NEGR1: variants seen among roughly 807,000 people sequenced by gnomAD.
NEGR1 encodes the protein IgLON family member 4.
Under a neutral mutation model 40.9 loss-of-function variants are expected in NEGR1, and 10 were observed. The observed-to-expected ratio is 0.24, with a 90% CI of 0.15 to 0.42. NEGR1 has a LOEUF of 0.42. Among genes scored for constraint, NEGR1 ranks in the 10% least tolerant of loss-of-function variants. The probability of loss-of-function intolerance (pLI) is 1.00; values close to 1 mark genes in which losing one functional copy is unlikely to be tolerated. For synonymous variants in NEGR1, 185 were observed against 166.8 expected (o/e 1.11, Z -0.84); for missense variants, 352 against 438.9 (o/e 0.80, Z 1.77).
chr1:71,416,219 T>C (rs1044275657), intron 6 of NEGR1, among the ~76,000 whole-genome samples: 7 of 152,210 alleles, frequency 4.6e-5, no homozygotes, highest in African/African-American at 1.4e-4. Context: ...TATGATCTTA[T>C]ACATGTGGGT....
intron 1 of NEGR1, among the ~76,000 whole-genome samples, chr1:71,946,897 A>G (rs1056053212): frequency 1.3e-5 from 2 of 151,838 alleles, no homozygotes; most frequent in African/African-American, 2.4e-5. Context: ...GGGCAACATA[A>G]CAAAACCCCA....
chr1:71,490,166 C>T (rs1557543909), intron 6 of NEGR1, among the ~76,000 whole-genome samples: 1 of 151,914 alleles, frequency 6.6e-6, no homozygotes, highest in Non-Finnish European at 1.5e-5. Context: ...ATTATTTTTA[C>T]ATTCTTTTGC....
chr1:71,506,950 T>A (rs1647038756), intron 6 of NEGR1, among the ~76,000 whole-genome samples: 1 of 152,184 alleles, frequency 6.6e-6, no homozygotes, highest in African/African-American at 2.4e-5. Flanking sequence ...TAAAGCTCCT[T>A]GAAGGTCAAG....
chr1:71,747,545 C>G (rs1388166778), intron 3 of NEGR1, among the ~76,000 whole-genome samples: 1 of 151,998 alleles, frequency 6.6e-6, no homozygotes, highest in Non-Finnish European at 1.5e-5. Context: ...CTGCCTCAGC[C>G]TCTCAAGTAG....
chr1:71,791,518 G>A (rs940309876), intron 2 of NEGR1, among the ~76,000 whole-genome samples: 1 of 151,984 alleles, frequency 6.6e-6, no homozygotes, highest in African/African-American at 2.4e-5. Context: ...TCAGTAGCCT[G>A]CCTACCAACT....
intron 5 of NEGR1, among the ~76,000 whole-genome samples, chr1:71,594,900 TG>T (rs1649645520): frequency 6.6e-6 from 1 of 152,218 alleles, no homozygotes; most frequent in Non-Finnish European, 1.5e-5. Context: ...AAATCCCTGT[TG>T]TGCTCCATCG....
At chr1:71,446,720 G>T (rs1027950517) in intron 6 of NEGR1, among the ~76,000 whole-genome samples, 1 of 152,126 alleles carries the variant, frequency 6.6e-6, no homozygotes, top group Admixed American at 6.5e-5. Context: ...CATTGGAAAA[G>T]TGCATAAATT....
intron 1 of NEGR1, among the ~76,000 whole-genome samples, chr1:72,163,272 T>C (rs761682231): frequency 6.6e-6 from 1 of 152,130 alleles, no homozygotes; most frequent in Non-Finnish European, 1.5e-5. Flanking sequence ...TAGTAAGTGA[T>C]AAAATACAAA....
At chr1:72,173,463 C>T (rs1417155633) in intron 1 of NEGR1, among the ~76,000 whole-genome samples, 1 of 151,360 alleles carries the variant, frequency 6.6e-6, no homozygotes, top group Non-Finnish European at 1.5e-5. Context: ...TAAACATGTT[C>T]TTTAGAATAA....
At chr1:72,234,240 G>A (rs895617579) in intron 1 of NEGR1, among the ~76,000 whole-genome samples, 2 of 151,984 alleles carry the variant, frequency 1.3e-5, no homozygotes, top group Admixed American at 1.3e-4. Context: ...GGGGTATTTG[G>A]TTTTCTGTTC....
intron 4 of NEGR1, among the ~76,000 whole-genome samples, chr1:71,630,870 G>A (rs1650948728): frequency 6.6e-6 from 1 of 151,786 alleles, no homozygotes; most frequent in South Asian, 2.1e-4. Context: ...ATTTTAATGA[G>A]CTTTGGGACT....
intron 1 of NEGR1, among the ~76,000 whole-genome samples, chr1:72,264,424 T>C (rs1405526472): frequency 1.3e-5 from 2 of 151,126 alleles, no homozygotes; most frequent in African/African-American, 4.8e-5. Flanking sequence ...AATTTAAAAT[T>C]TGTAATAAAT....
chr1:71,513,279 C>A (rs1267666096), intron 6 of NEGR1, among the ~76,000 whole-genome samples: 2 of 152,148 alleles, frequency 1.3e-5, no homozygotes, highest in Admixed American at 6.5e-5. Flanking sequence ...CAGAAATCTA[C>A]CCCTACCTCC....
At chr1:71,611,203 G>A (rs1650238273) in intron 4 of NEGR1, 57 bp from the exon 5 acceptor site, 2 of 1,480,004 alleles carry the variant, frequency 1.4e-6, no homozygotes, top group Middle Eastern at 1.8e-4. Context: ...ATCCTCAACA[G>A]AAATATGACA....
chr1:71,697,621 C>T (rs1240183684), intron 4 of NEGR1, among the ~76,000 whole-genome samples: 1 of 151,796 alleles, frequency 6.6e-6, no homozygotes, highest in African/African-American at 2.4e-5. Flanking sequence ...GATGAGTATA[C>T]TTCATTTTCA....
At chr1:71,470,137 G>T (rs1193887098) in intron 6 of NEGR1, among the ~76,000 whole-genome samples, 1 of 152,098 alleles carries the variant, frequency 6.6e-6, no homozygotes, top group Non-Finnish European at 1.5e-5. Flanking sequence ...AACATTAGAT[G>T]TTAGTGTTCT....
rs577254116 is a variant in NEGR1 at position 71,494,203 on chromosome 1, T to C, written c.941-86633A>G. The stretch of plus-strand genomic sequence containing the variant: ...TAACAAGGTGATTTATGATGGGGAC[T>C]TTGAGGCCATGCTATATCACCTCTA... On this transcript the variant is annotated intron_variant, in intron 6 of 6. Transcript: ENST00000357731. 9.2e-5 allele frequency among the ~76,000 whole-genome samples: 14 copies of C among 152,296 alleles called. No homozygotes were observed. The South Asian group carries it at 2.3e-3, about 25-fold the overall frequency.
chr1:71,745,211 G>A (rs1451377996), intron 3 of NEGR1, among the ~76,000 whole-genome samples: 4 of 151,952 alleles, frequency 2.6e-5, no homozygotes, highest in South Asian at 2.1e-4. Context: ...CTGCTGTATC[G>A]ACTATTCACA....
intron 4 of NEGR1, among the ~76,000 whole-genome samples, chr1:71,638,980 G>T (rs1233919806): frequency 6.6e-6 from 1 of 151,276 alleles, no homozygotes; most frequent in African/African-American, 2.4e-5. Context: ...CAAGGAGGAA[G>T]AATAAAATAA....
Sources: gnomAD v4.1 joint callset for allele counts (sites outside exome capture counted in the v4.1 genomes callset) on GRCh38, gnomAD v4.1.1 for gene constraint, MANE v1.5 for transcripts, NCBI Gene and HGNC (gene_info 2026-07-23, HGNC 2026-07-21) for gene names.